FKBP5: variants seen among roughly 807,000 people sequenced by gnomAD.
The protein encoded by FKBP5 is peptidyl-prolyl cis-trans isomerase FKBP5.
Under a neutral mutation model 50.5 loss-of-function variants are expected in FKBP5, and 23 were observed. That is an observed-to-expected ratio of 0.46 (90% CI 0.33 to 0.65). FKBP5 has a LOEUF of 0.65. Among genes scored for constraint, FKBP5 ranks in the 30% least tolerant of loss-of-function variants. The pLI, the probability that FKBP5 is intolerant of heterozygous loss-of-function variation, is 0.02. For synonymous variants in FKBP5, 176 were observed against 190.6 expected (o/e 0.92, Z 0.63); for missense variants, 411 against 553.1 (o/e 0.74, Z 2.58).
chr6:35,586,293 T>C (rs1271799585), intron 8 of FKBP5: 4 of 985,126 alleles, frequency 4.1e-6, no homozygotes, highest in Middle Eastern at 5.2e-4. Flanking sequence ...GAAGGGTTTC[T>C]GAGAAGCAAT....
At chr6:35,690,732 C>T (rs556402207), upstream of FKBP5, among the ~76,000 whole-genome samples, 1 of 152,212 alleles carries the variant, frequency 6.6e-6, no homozygotes, top group Admixed American at 6.5e-5. Flanking sequence ...TTAGGCAGGG[C>T]ACAGTGGTTC....
At chr6:35,645,035 C>T (rs1421796358) in intron 1 of FKBP5, among the ~76,000 whole-genome samples, 1 of 152,180 alleles carries the variant, frequency 6.6e-6, no homozygotes, top group Admixed American at 6.5e-5. Context: ...AACAATCTGA[C>T]TGATAACACT....
chr6:35,696,833 G>C (rs1052266244), intron 2 of FKBP5, among the ~76,000 whole-genome samples: 1 of 152,204 alleles, frequency 6.6e-6, no homozygotes, highest in Non-Finnish European at 1.5e-5. Flanking sequence ...TCAATGCAGT[G>C]TGGTACTGGA....
At chr6:35,725,213 C>T (rs1240432681) in intron 1 of FKBP5, among the ~76,000 whole-genome samples, 1 of 152,098 alleles carries the variant, frequency 6.6e-6, no homozygotes, top group Non-Finnish European at 1.5e-5. Flanking sequence ...TGTGTGACTC[C>T]TGGGGGTGAG....
chr6:35,586,603 A>G (rs1419390815), intron 8 of FKBP5: 2 of 990,924 alleles, frequency 2.0e-6, no homozygotes, highest in African/African-American at 3.5e-5. Flanking sequence ...CCTGTCTCTC[A>G]TACAAAAAAA....
chr6:35,585,610 G>A, intron 8 of FKBP5: 1 of 980,912 alleles, frequency 1.0e-6, no homozygotes, highest in Non-Finnish European at 1.2e-6. Flanking sequence ...TGATCCATAA[G>A]AGTTTAGTAT....
At chr6:35,627,115 A>G (rs977395540) in intron 3 of FKBP5, among the ~76,000 whole-genome samples, 2 of 152,116 alleles carry the variant, frequency 1.3e-5, no homozygotes, top group African/African-American at 4.8e-5. Flanking sequence ...AAGGGTTCCA[A>G]TTTCTCTACA....
chr6:35,701,362 G>A (rs1345620370), intron 2 of FKBP5, among the ~76,000 whole-genome samples: 1 of 149,478 alleles, frequency 6.7e-6, no homozygotes, highest in African/African-American at 2.5e-5. Flanking sequence ...TCCTGCCTCA[G>A]CCTCCCAAGT....
chr6:35,577,322 GAA>G lies in FKBP5; in HGVS notation c.1027-91_1027-90del, dbSNP rs1411951613. 23 of 1,227,292 alleles carry G rather than the reference GAA, an allele frequency of 1.9e-5. 1 individual carries two copies. The East Asian group carries it at 5.5e-4, about 29-fold the overall frequency. The allele number at this position is 1,227,292 out of a possible 1,614,324, so 76.0% of individuals were successfully genotyped here. ...CAAAGTTCTCTTGCCAAAGGAGATG[GAA>G]AAAGTGTATTTAAAAAAATGGGGCT... On this transcript the variant is annotated intron_variant, in intron 9 of 10. Transcript: ENST00000357266.
At chr6:35,608,463 A>G (rs1763396181) in intron 5 of FKBP5, among the ~76,000 whole-genome samples, 2 of 152,146 alleles carry the variant, frequency 1.3e-5, no homozygotes, top group South Asian at 4.1e-4. Flanking sequence ...GGGAGGCTGA[A>G]GCAGGCTGAT....
In FKBP5 at chr6:35,624,432, C is replaced by G. The variant is rs186214899; in HGVS notation, c.251-4158G>C. Among the ~76,000 whole-genome samples, 654 of 152,032 alleles carry G rather than the reference C, an allele frequency of 4.3e-3. 4 individuals carry two copies. The highest frequency in any genetic ancestry group is 0.015 in the African/African-American group (604 of 41,466). Reference sequence around the variant, plus strand: ...CAGAAGAATTGCTTGAACCTGGGAGCTGGAGGTTGCAGTGAGCTGAGATCA... The same window carrying G: ...CAGAAGAATTGCTTGAACCTGGGAGGTGGAGGTTGCAGTGAGCTGAGATCA... On this transcript the variant is annotated intron_variant, in intron 3 of 10. Coordinates refer to ENST00000357266, the MANE Select transcript of FKBP5 (RefSeq NM_004117.4).
At chr6:35,589,708 C>T (rs1347901677) in intron 7 of FKBP5, among the ~76,000 whole-genome samples, 3 of 152,178 alleles carry the variant, frequency 2.0e-5, no homozygotes, top group Non-Finnish European at 4.4e-5. Context: ...ATTATCTTCT[C>T]TCTCTTTAAC....
At chr6:35,726,576 ACACACAGCT>A (rs1456781740) in intron 1 of FKBP5, among the ~76,000 whole-genome samples, 8 of 145,224 alleles carry the variant, frequency 5.5e-5, no homozygotes, top group Non-Finnish European at 1.1e-4. Flanking sequence ...ACACACACAC[ACACACAGCT>A]CAAGGCCTAG....
intron 1 of FKBP5, among the ~76,000 whole-genome samples, chr6:35,726,488 G>A (rs1766713156): frequency 6.6e-6 from 1 of 151,092 alleles, no homozygotes; most frequent in Middle Eastern, 3.4e-3. Context: ...GTTTTGTGGT[G>A]ATGTCAAGCA....
intron 2 of FKBP5, among the ~76,000 whole-genome samples, 159 bp downstream of exon 2, chr6:35,642,561 A>T (rs981172625): frequency 2.0e-5 from 3 of 152,246 alleles, no homozygotes; most frequent in African/African-American, 7.2e-5. Context: ...CTTAAAAAAA[A>T]CCTTGAAGTT....
intron 2 of FKBP5, among the ~76,000 whole-genome samples, chr6:35,706,948 A>C (rs773761353): frequency 1.4e-4 from 22 of 152,220 alleles, no homozygotes; most frequent in Non-Finnish European, 2.6e-4. Context: ...GAAAAAGCAA[A>C]GCATAGAACA....
At chr6:35,706,424 C>CAAAA (rs71002595) in intron 2 of FKBP5, among the ~76,000 whole-genome samples, 3 of 103,860 alleles carry the variant, frequency 2.9e-5, no homozygotes, top group African/African-American at 1.0e-4. Flanking sequence ...AACTCTGTCT[C>CAAAA]AAAAAAAAAA....
At chr6:35,579,139 AAC>A (rs906685473) in intron 9 of FKBP5, among the ~76,000 whole-genome samples, 8 of 150,090 alleles carry the variant, frequency 5.3e-5, no homozygotes, top group East Asian at 1.9e-4. Flanking sequence ...AAACAAACAA[AAC>A]ACACACACGC....
At chr6:35,683,041 T>C (rs936699777) in intron 1 of FKBP5, among the ~76,000 whole-genome samples, 1 of 151,866 alleles carries the variant, frequency 6.6e-6, no homozygotes, top group African/African-American at 2.4e-5. Context: ...TTCCAATCTT[T>C]TTCTTAAAAA....
Sources: gnomAD v4.1 joint callset for allele counts (sites outside exome capture counted in the v4.1 genomes callset) on GRCh38, gnomAD v4.1.1 for gene constraint, MANE v1.5 for transcripts, NCBI Gene and HGNC (gene_info 2026-07-23, HGNC 2026-07-21) for gene names.